Variants in INTS10 observed in about 807,000 individuals in gnomAD.
INTS10 encodes chromosome 8 open reading frame 35.
Under a neutral mutation model 94.4 loss-of-function variants are expected in INTS10, and 44 were observed. That is an observed-to-expected ratio of 0.47 (90% confidence interval 0.37 to 0.60). The LOEUF is 0.60. Ranked by LOEUF, INTS10 falls within the 20% of genes least tolerant of loss-of-function variation. The pLI, the probability that INTS10 is intolerant of heterozygous loss-of-function variation, is 0.00. For synonymous variants in INTS10, 341 were observed against 320.7 expected, an observed-to-expected ratio of 1.06 and a Z score of -0.68; for missense variants, 797 against 868.7, an observed-to-expected ratio of 0.92 and a Z score of 1.04.
rs757908523 is a variant in INTS10 at position 19,826,460 on chromosome 8, T to C, written c.1041T>C (p.Leu347=). Residue 347 remains leucine, a synonymous_variant, in exon 9 of 17, where the codon CTT becomes CTC. Transcript: ENST00000397977. ...PNAPSQVPLV[L]LEDVSNVYGD... Reference sequence around the variant, plus strand: ...CCCCGAGCCAAGTTCCACTGGTTCTTCTTGAAGATGTATCGAATGTGTATG... The same window carrying C: ...CCCCGAGCCAAGTTCCACTGGTTCTCCTTGAAGATGTATCGAATGTGTATG... 1.2e-6 allele frequency: 2 copies of C among 1,612,750 alleles called. No individual in the cohort carries two copies. Among genetic ancestry groups the C allele is most frequent in the Admixed American group, 1.7e-5 (1 of 59,722 alleles).
At chr8:19,817,949 C>T (rs1409955146) in intron 1 of INTS10, among the ~76,000 whole-genome samples, 1 of 152,182 alleles carries the variant, frequency 6.6e-6, no homozygotes, top group East Asian at 1.9e-4. Flanking sequence ...TGGGGCTCAG[C>T]GTGCCATCTG....
intron 4 of INTS10, 24 bp downstream of exon 4, chr8:19,820,542 T>G: frequency 6.3e-7 from 1 of 1,594,280 alleles, no homozygotes; most frequent in Non-Finnish European, 8.6e-7. Flanking sequence ...CTTCCCCTTC[T>G]TTTAATATAA....
At position 19,838,538 on chromosome 8, in the gene INTS10, C is replaced by T. The variant is rs138498149; in HGVS notation, c.1639+1378C>T. Among the ~76,000 whole-genome samples the T allele has an allele frequency of 5.6e-3, 849 of 152,264 alleles. 9 individuals are homozygous for T. Among genetic ancestry groups the T allele is most frequent in the African/African-American group, 0.02 (816 of 41,550 alleles). Reference sequence around the variant, plus strand: ...TTAGGAAGAAATAGTGCCAATTCTACACAAACTCTTATCAGAAAATAGAGG... The same window carrying T: ...TTAGGAAGAAATAGTGCCAATTCTATACAAACTCTTATCAGAAAATAGAGG... On this transcript the variant is annotated intron_variant, in intron 13 of 16. Transcript: ENST00000397977.
rs117136325 is a variant in INTS10, at chr8:19,834,762, G to T, written c.1530+1441G>T. ...CTTAGTTCTCTGGCTGTCTTTGTCT[G>T]CTTGGGTTGCTATAACCAAATACCA... On this transcript the variant is annotated intron_variant, in intron 12 of 16. Coordinates refer to ENST00000397977, the MANE Select transcript of INTS10 (RefSeq NM_018142.4). 1.3e-3 allele frequency among the ~76,000 whole-genome samples: 193 copies of T among 152,164 alleles called. 3 individuals carry two copies. In the East Asian group the frequency reaches 0.03, roughly 23 times the overall value.
At position 19,830,862 on chromosome 8, in the gene INTS10, C is replaced by T. The variant is rs183878912; in HGVS notation, c.1294+303C>T. 9.5e-3 allele frequency among the ~76,000 whole-genome samples: 1,443 copies of T among 152,174 alleles called. 13 individuals carry two copies. The highest frequency in any genetic ancestry group is 0.015 in the Non-Finnish European group (1,013 of 68,002). ...TAACTTTTTGTATTTTTAGTAGAGA[C>T]GGGGTTTCATCGTGTTGATCAGGCT... On this transcript the variant is annotated intron_variant, in intron 10 of 16. Coordinates refer to ENST00000397977, the MANE Select transcript of INTS10 (RefSeq NM_018142.4).
chr8:19,830,701 C>T, intron 10 of INTS10, 142 bp downstream of exon 10: 1 of 753,982 alleles, frequency 1.3e-6, no homozygotes, highest in Non-Finnish European at 2.1e-6. Flanking sequence ...GACGGAGTCT[C>T]ACTCTTTTTC....
rs562180336 is a variant in INTS10, at chr8:19,849,262, G to A, written c.1977-2387G>A. 45 of 1,240,316 alleles carry A rather than the reference G, an allele frequency of 3.6e-5. No individual in the cohort carries two copies. The highest frequency in any genetic ancestry group is 1.7e-4 in the East Asian group (3 of 17,684). The allele number at this position is 1,240,316 out of a possible 1,614,324, so 76.8% of individuals were successfully genotyped here. On this transcript the variant is annotated intron_variant, in intron 16 of 16. Coordinates refer to ENST00000397977, the MANE Select transcript of INTS10 (RefSeq NM_018142.4). This position sits in a 1 kb window ranked among gnomAD's most constrained non-coding sequence, Gnocchi z 4.6. ...CAGGTACCAAGTGGAATCAACGCCC[G>A]CTCATAGTGTGCTGTTTGTCAACAT... is the stretch of plus-strand genomic sequence containing the variant.
chr8:19,835,998 G>A (rs1460085112), intron 12 of INTS10, among the ~76,000 whole-genome samples: 1 of 152,082 alleles, frequency 6.6e-6, no homozygotes, highest in Non-Finnish European at 1.5e-5. Context: ...CCTGTCAGGG[G>A]GTCGGGGGCA....
intron 11 of INTS10, among the ~76,000 whole-genome samples, chr8:19,832,341 G>A (rs1220735154): frequency 6.6e-5 from 10 of 152,274 alleles, no homozygotes; most frequent in South Asian, 2.1e-4. Context: ...GGAGGCCGAG[G>A]TGGGAGGATT....
At position 19,817,513 on chromosome 8, in the gene INTS10, C is replaced by G. The variant is rs759710515; in HGVS notation, c.-25C>G. On this transcript the variant is annotated 5_prime_UTR_variant, in exon 1 of 17. Transcript: ENST00000397977. The stretch of plus-strand genomic sequence containing the variant: ...AGCCGGACGTTCCGGCCGCTTCGGG[C>G]TGGCGGCTGGAGAGCGCTCGGGTCA... The G allele has an allele frequency of 6.3e-7, 1 of 1,599,128 alleles. No individual in the cohort carries two copies. Among genetic ancestry groups the G allele is most frequent in the South Asian group, 1.1e-5 (1 of 89,212 alleles).
intron 13 of INTS10, chr8:19,841,938 T>C: frequency 2.3e-6 from 1 of 427,992 alleles, no homozygotes; most frequent in Non-Finnish European, 4.6e-6. Flanking sequence ...ACCTTTTGTT[T>C]TGGATCTATC....
chr8:19,820,793 G>A (rs1296413166), intron 4 of INTS10, among the ~76,000 whole-genome samples: 1 of 152,162 alleles, frequency 6.6e-6, no homozygotes, highest in Non-Finnish European at 1.5e-5. Context: ...TTTTTCCGTT[G>A]TATTCTACAA....
chr8:19,820,496 C>T lies in INTS10; in HGVS notation c.419C>T (p.Pro140Leu). ...EMLLLLLRRF[P>L]ETVVQHGVGL... ...TTGCTTCTACTTTTGAGGCGCTTCC[C>T]TGAAACGGTGGTGCAGCATGGGGTG... Residue 140 changes from proline (P) to leucine (L), a missense_variant, in exon 4 of 17, where the codon CCT becomes CTT. This residue lies in a region of INTS10 where 734 missense variants were observed against 787.8 expected (regional missense o/e 0.93). Coordinates refer to ENST00000397977, the MANE Select transcript of INTS10 (RefSeq NM_018142.4). The T allele has an allele frequency of 6.2e-7, 1 of 1,612,806 alleles. No individual in the cohort carries two copies. The highest frequency in any genetic ancestry group is 8.5e-7 in the Non-Finnish European group (1 of 1,178,990).
At chr8:19,840,739 C>T (rs2068065366) in intron 13 of INTS10, among the ~76,000 whole-genome samples, 1 of 151,428 alleles carries the variant, frequency 6.6e-6, no homozygotes, top group Non-Finnish European at 1.5e-5. Flanking sequence ...TTTTCTATAA[C>T]AAATGGTCAA....
At chr8:19,825,976 C>T (rs2066757276) in intron 8 of INTS10, among the ~76,000 whole-genome samples, 1 of 152,140 alleles carries the variant, frequency 6.6e-6, no homozygotes, top group Admixed American at 6.5e-5. Context: ...GTTTGTTTAC[C>T]TAATTGAGAT....
Position 19,851,746 on chromosome 8 carries a change from G to A in INTS10, c.2074G>A (p.Val692Met). ...CTCCCGCTGTGGAGAGAATCTGATG[G>A]TGGTTCTGCACAGGTTCTGCATTAA... Reference protein sequence around the residue: ...QVSRCGENLMVVLHRFCINEK... With the variant: ...QVSRCGENLMMVLHRFCINEK... The change falls in exon 17 of 17, where the codon GTG becomes ATG. Residue 692 changes from valine (V) to methionine (M), a missense_variant. Around this residue, in one of 3 missense-constraint regions of INTS10, gnomAD observed 47 missense variants for 41.8 expected, o/e 1.12. Transcript: ENST00000397977. The surrounding 1 kb of genome is among the most constrained non-coding windows in gnomAD (Gnocchi z 5.0). 1 of 1,614,154 alleles carries A rather than the reference G, an allele frequency of 6.2e-7. No individual in the cohort carries two copies. The highest frequency in any genetic ancestry group is 8.5e-7 in the Non-Finnish European group (1 of 1,179,996).
rs2068306144 is a variant in INTS10, at chr8:19,843,465, A to G, written c.1719+538A>G. Among the ~76,000 whole-genome samples the G allele has an allele frequency of 6.6e-6, 1 of 152,224 alleles. No homozygotes were observed. Among genetic ancestry groups the G allele is most frequent in the Admixed American group, 6.5e-5 (1 of 15,288 alleles). On this transcript the variant is annotated intron_variant, in intron 14 of 16. Coordinates refer to ENST00000397977, the MANE Select transcript of INTS10 (RefSeq NM_018142.4). This position sits in a 1 kb window ranked among gnomAD's most constrained non-coding sequence, Gnocchi z 4.7. ...AGGTTTGTTGGCCAGAGAGTAAAAC[A>G]TTGGGTCTCCACTTCAGTGCAGTAA...
In INTS10 at chr8:19,823,759, G is replaced by A. The variant is rs1365691540; in HGVS notation, c.665-114G>A. On this transcript the variant is annotated intron_variant, in intron 6 of 16. Coordinates refer to ENST00000397977, the MANE Select transcript of INTS10 (RefSeq NM_018142.4). Reference sequence around the variant, plus strand: ...CGGTCCTTGAGCAAAACATAAGTATGTTGGAATTCTGTGCTCTGTGCATTT... The same window carrying A: ...CGGTCCTTGAGCAAAACATAAGTATATTGGAATTCTGTGCTCTGTGCATTT... 7.3e-6 allele frequency: 7 copies of A among 961,912 alleles called. No homozygotes were observed. In the South Asian group the frequency reaches 8.8e-5, roughly 12 times the overall value. The allele number at this position is 961,912 out of a possible 1,614,324, so 59.6% of individuals were successfully genotyped here.
At chr8:19,848,969 C>T (rs1041607777) in intron 16 of INTS10, 10 of 265,604 alleles carry the variant, frequency 3.8e-5, no homozygotes, top group Non-Finnish European at 5.6e-5. Context: ...CCAGCAGCAG[C>T]GGGTGCAGTG....
Sources: allele counts gnomAD v4.1 joint callset (sites outside exome capture counted in the v4.1 genomes callset), GRCh38; gene constraint gnomAD v4.1.1; regional missense constraint gnomAD v4.1.1; non-coding constraint Gnocchi (gnomAD v3.1); transcripts MANE v1.5; gene names NCBI Gene and HGNC (gene_info 2026-07-23, HGNC 2026-07-21).